TOP1MT: variants seen among roughly 807,000 people sequenced by gnomAD.
TOP1MT encodes the protein DNA topoisomerase I, mitochondrial.
A neutral mutation model predicts 73.9 loss-of-function variants in TOP1MT; 80 were observed. The observed-to-expected ratio is 1.08, with a 90% CI of 0.90 to 1.30. The LOEUF (loss-of-function observed/expected upper bound fraction) is 1.30. Among genes scored for constraint, TOP1MT ranks in the 50% most tolerant of loss-of-function variants. The probability of loss-of-function intolerance (pLI) is 0.00; values close to 1 mark genes in which losing one functional copy is unlikely to be tolerated. For missense variants in TOP1MT, 815 were observed against 808.0 expected, an observed-to-expected ratio of 1.01 and a Z score of -0.10; for synonymous variants, 338 against 326.4, an observed-to-expected ratio of 1.04 and a Z score of -0.38.
At chr8:143,347,434 C>A (rs1022525050), upstream of TOP1MT, among the ~76,000 whole-genome samples, 3 of 152,186 alleles carry the variant, frequency 2.0e-5, no homozygotes, top group African/African-American at 4.8e-5. Flanking sequence ...GGATTACAGG[C>A]ATGAGCCACC....
chr8:143,347,335 T>G (rs911990979), upstream of TOP1MT, among the ~76,000 whole-genome samples: 1 of 152,166 alleles, frequency 6.6e-6, no homozygotes, highest in African/African-American at 2.4e-5. Flanking sequence ...TTTTGTATTT[T>G]TAGTAGAGAC....
chr8:143,312,198 A>C (rs1214313229), intron 12 of TOP1MT, among the ~76,000 whole-genome samples: 6 of 152,174 alleles, frequency 3.9e-5, no homozygotes. Context: ...CTTTCATGAA[A>C]TATTAGATAT....
chr8:143,353,261 A>T (rs1339850541), intron 1 of TOP1MT, among the ~76,000 whole-genome samples: 1 of 152,086 alleles, frequency 6.6e-6, no homozygotes, highest in Non-Finnish European at 1.5e-5. Flanking sequence ...CCAAAAATTT[A>T]AAAAATTAGC....
Position 143,309,332 on chromosome 8 carries a change from G to T in TOP1MT, c.*109C>A. On this transcript the variant is annotated 3_prime_UTR_variant, in exon 14 of 14. Transcript: ENST00000329245. ...CCGGCCGGCCTGGGGACTTTTTCTAGTGATGTACAAGCACTTGCACACATT... is the reference window on the plus strand; with the variant it reads ...CCGGCCGGCCTGGGGACTTTTTCTATTGATGTACAAGCACTTGCACACATT... The T allele has an allele frequency of 8.2e-7, 1 of 1,223,784 alleles. No homozygotes were observed. The highest frequency in any genetic ancestry group is 1.1e-6 in the Non-Finnish European group (1 of 875,834). 75.8% of individuals were successfully genotyped at this position (1,223,784 alleles called of 1,614,324 possible).
chr8:143,342,666 C>CAG (rs200245760), intron 2 of TOP1MT, among the ~76,000 whole-genome samples: 1,235 of 15,236 alleles, frequency 0.081, 477 homozygotes, highest in African/African-American at 0.27. Context: ...TTATTAGAGA[C>CAG]AGTCTCGCTC....
chr8:143,311,747 C>CAA (rs34398519), intron 12 of TOP1MT, among the ~76,000 whole-genome samples: 1 of 134,574 alleles, frequency 7.4e-6, no homozygotes, highest in African/African-American at 2.8e-5. Flanking sequence ...GACTCTGTGT[C>CAA]AAAAAAAAAA....
chr8:143,321,109 G>C (rs1334931384), intron 8 of TOP1MT, 92 bp downstream of exon 8: 1 of 1,373,738 alleles, frequency 7.3e-7, no homozygotes, highest in African/African-American at 1.4e-5. Flanking sequence ...TGGCAAACGG[G>C]CCACAGACCC....
intron 1 of TOP1MT, 120 bp from the exon 2 acceptor site, chr8:143,331,459 C>G: frequency 1.3e-6 from 1 of 740,758 alleles, no homozygotes; most frequent in Non-Finnish European, 2.1e-6. Context: ...GCCTCCACCT[C>G]ACGGGGGAGG....
At chr8:143,330,081 TAAG>T (rs1229553181) in intron 2 of TOP1MT, among the ~76,000 whole-genome samples, 2 of 152,216 alleles carry the variant, frequency 1.3e-5, no homozygotes, top group Non-Finnish European at 2.9e-5. Flanking sequence ...AATCATTTGG[TAAG>T]AAGGAGGAAG....
At chr8:143,348,244 C>A (rs1023069033), upstream of TOP1MT, among the ~76,000 whole-genome samples, 3 of 152,220 alleles carry the variant, frequency 2.0e-5, no homozygotes, top group Non-Finnish European at 4.4e-5. This position sits in a 1 kb window ranked among gnomAD's most constrained non-coding sequence, Gnocchi z 4.6. Context: ...TAGTGAGCAG[C>A]AGACATGTGA....
intron 7 of TOP1MT, among the ~76,000 whole-genome samples, 157 bp from the exon 8 acceptor site, chr8:143,321,543 G>C (rs1395437389): frequency 2.2e-5 from 2 of 91,790 alleles, no homozygotes; most frequent in African/African-American, 9.3e-5. Flanking sequence ...ACACACGCAC[G>C]CCACACACGC....
intron 12 of TOP1MT, among the ~76,000 whole-genome samples, chr8:143,314,519 G>A (rs1043048722): frequency 4.0e-5 from 6 of 151,620 alleles, no homozygotes; most frequent in African/African-American, 9.7e-5. Context: ...ACTTGAACCC[G>A]GGAGGCGGAG....
chr8:143,320,888 T>C (rs1389100395), intron 8 of TOP1MT, among the ~76,000 whole-genome samples: 2 of 152,154 alleles, frequency 1.3e-5, no homozygotes, highest in African/African-American at 2.4e-5. Context: ...AAACGTCTGT[T>C]AAACCACTGG....
chr8:143,349,270 C>T (rs1289581091), upstream of TOP1MT, among the ~76,000 whole-genome samples: 1 of 152,104 alleles, frequency 6.6e-6, no homozygotes, highest in Non-Finnish European at 1.5e-5. Flanking sequence ...CCAGGAAAAG[C>T]TCTCAGGCAC....
rs1178222892 is a variant in TOP1MT at position 143,324,084 on chromosome 8, T to G, written c.875A>C (p.Glu292Ala). ...TARRLRGFVD[E>A]IRSQYRADWK... ...GTCAGCCCGGTACTGGGAGCGGATC[T>G]CGTCCACAAATCCCCGCAGGCGTCG... is the stretch of plus-strand genomic sequence containing the variant. The change falls in exon 7 of 14, where the codon GAG becomes GCG. Residue 292 changes from glutamate to alanine, a missense_variant. Glu to Ala is a moderately radical substitution (Grantham distance 107). This residue lies in a region of TOP1MT where 751 missense variants were observed against 725.4 expected (regional missense o/e 1.04). Transcript: ENST00000329245. The G allele has an allele frequency of 1.2e-6, 2 of 1,613,914 alleles. No homozygotes were observed. The highest frequency in any genetic ancestry group is 3.3e-4 in the Middle Eastern group (2 of 6,062).
At chr8:143,359,144 A>T, upstream of TOP1MT, 1 of 871,200 alleles carries the variant, frequency 1.1e-6, no homozygotes, top group Non-Finnish European at 1.4e-6. Context: ...ACCGGCCCTT[A>T]AGTAGACTAT....
chr8:143,315,556 C>T (rs1453107576), intron 12 of TOP1MT, among the ~76,000 whole-genome samples, 171 bp downstream of exon 12: 6 of 152,274 alleles, frequency 3.9e-5, no homozygotes, highest in Admixed American at 6.5e-5. Context: ...AGTGGTCCCC[C>T]GGGCCCAGCT....
chr8:143,317,134 G>C (rs530814761), intron 10 of TOP1MT, among the ~76,000 whole-genome samples: 1 of 152,238 alleles, frequency 6.6e-6, no homozygotes, highest in South Asian at 2.1e-4. Context: ...GGTGGGCGCC[G>C]GGGTGGGAGG....
chr8:143,353,297 T>C (rs1429333215), intron 1 of TOP1MT, among the ~76,000 whole-genome samples: 1 of 151,960 alleles, frequency 6.6e-6, no homozygotes, highest in Non-Finnish European at 1.5e-5. Flanking sequence ...ACACCTGTAT[T>C]CCCAGCTACT....
Sources: allele counts gnomAD v4.1 joint callset (sites outside exome capture counted in the v4.1 genomes callset), GRCh38; gene constraint gnomAD v4.1.1; regional missense constraint gnomAD v4.1.1; non-coding constraint Gnocchi (gnomAD v3.1); transcripts MANE v1.5; gene names NCBI Gene and HGNC (gene_info 2026-07-23, HGNC 2026-07-21).